The following NMNAT1 variants were observed in gnomAD, a reference collection of about 807,000 sequenced individuals.
NMNAT1 encodes the protein nicotinamide/nicotinic acid mononucleotide adenylyltransferase 1.
NMNAT1 carries 11 observed loss-of-function variants against 16.7 expected under a neutral mutation model. That is an observed-to-expected ratio of 0.66 (90% CI 0.41 to 1.09). The LOEUF is 1.09. Among genes scored for constraint, NMNAT1 ranks in the 50% least tolerant of loss-of-function variants. The pLI is 0.00. For missense variants in NMNAT1, 280 were observed against 332.3 expected (o/e 0.84, Z 1.22); for synonymous variants, 110 against 119.8 (o/e 0.92, Z 0.53).
chr1:9,996,782 C>T, the NMNAT1 span, among the ~76,000 whole-genome samples: 21 of 152,224 alleles, frequency 1.4e-4, no homozygotes, highest in Admixed American at 6.6e-4. Context: ...GAAGCTGCGG[C>T]GTTACCGAGG....
At chr1:9,967,850 CCT>C (rs1641586357) in intron 1 of NMNAT1, among the ~76,000 whole-genome samples, 1 of 151,830 alleles carries the variant, frequency 6.6e-6, no homozygotes, top group African/African-American at 2.4e-5. Context: ...CCAGTGCATG[CCT>C]GTAGTCCCAG....
chr1:9,993,285 C>T, the NMNAT1 span, among the ~76,000 whole-genome samples: 2 of 152,022 alleles, frequency 1.3e-5, no homozygotes, highest in African/African-American at 4.8e-5. Context: ...TCGAGATCAG[C>T]CTGACCGATA....
At chr1:9,987,202 CA>C (rs907003579), downstream of NMNAT1, among the ~76,000 whole-genome samples, 2 of 150,340 alleles carry the variant, frequency 1.3e-5, no homozygotes, top group African/African-American at 2.4e-5. Flanking sequence ...TCCCTCTCAA[CA>C]AACAAAAACA....
In NMNAT1 at chr1:9,983,104, C is replaced by CAA. The variant is rs35872889; in HGVS notation, c.*417_*418dup. 3.2e-4 allele frequency: 41 copies of CAA among 127,684 alleles called. No individual in the cohort carries two copies. The highest frequency in any genetic ancestry group is 7.3e-4 in the South Asian group (3 of 4,120). 7.9% of individuals were successfully genotyped at this position (127,684 alleles called of 1,614,324 possible). On this transcript the variant is annotated 3_prime_UTR_variant, in exon 5 of 5. Coordinates refer to ENST00000377205, the MANE Select transcript of NMNAT1 (RefSeq NM_022787.4). ...CTGGCGACAGAGCAAGACTCTGTCT[C>CAA]AAAAAAAAAAAAAAATTTAGTAAAA...
intron 1 of NMNAT1, among the ~76,000 whole-genome samples, chr1:9,946,396 G>A (rs1640980667): frequency 6.6e-6 from 1 of 152,220 alleles, no homozygotes; most frequent in African/African-American, 2.4e-5. Flanking sequence ...CAGACTGGGA[G>A]TCACTGGGAA....
chr1:9,988,165 C>A (rs926770248), downstream of NMNAT1, among the ~76,000 whole-genome samples: 35 of 151,972 alleles, frequency 2.3e-4, no homozygotes, highest in East Asian at 3.7e-3. Context: ...GCCCAGCTAA[C>A]TTTTGTATTT....
chr1:9,945,946 GT>G (rs1640969929), intron 1 of NMNAT1, among the ~76,000 whole-genome samples: 1 of 152,064 alleles, frequency 6.6e-6, no homozygotes, highest in Non-Finnish European at 1.5e-5. Flanking sequence ...TAGAGATGAG[GT>G]TTTGTCATGT....
At chr1:9,960,898 A>G (rs1227804190) in intron 1 of NMNAT1, 7 of 152,080 alleles carry the variant, frequency 4.6e-5, no homozygotes, top group African/African-American at 1.7e-4. Flanking sequence ...GCCCCCCTAT[A>G]CGCATGCGCA....
intron 2 of NMNAT1, among the ~76,000 whole-genome samples, chr1:9,975,074 C>T (rs1029918286): frequency 1.3e-5 from 2 of 152,034 alleles, no homozygotes; most frequent in African/African-American, 4.8e-5. Context: ...TAGATAGGAG[C>T]GATGGTTGCA....
At chr1:9,959,286 C>A (rs1186561156) in intron 1 of NMNAT1, among the ~76,000 whole-genome samples, 10 of 133,316 alleles carry the variant, frequency 7.5e-5, no homozygotes, top group Non-Finnish European at 9.6e-5. Context: ...GCAGAAGAAT[C>A]GCTTGAACCC....
At chr1:9,973,146 C>G (rs1044534796) in intron 2 of NMNAT1, among the ~76,000 whole-genome samples, 4 of 151,954 alleles carry the variant, frequency 2.6e-5, no homozygotes, top group African/African-American at 9.7e-5. Context: ...AGATGGACTT[C>G]ACTCTTGTTG....
At chr1:9,951,502 T>C (rs899173866) in intron 1 of NMNAT1, among the ~76,000 whole-genome samples, 3 of 151,878 alleles carry the variant, frequency 2.0e-5, no homozygotes, top group African/African-American at 7.3e-5. Context: ...TGAGGCAAGA[T>C]GTTGCTTTGT....
chr1:9,988,292 A>G (rs1390183310), downstream of NMNAT1, among the ~76,000 whole-genome samples: 1 of 152,066 alleles, frequency 6.6e-6, no homozygotes, highest in Non-Finnish European at 1.5e-5. Flanking sequence ...ATCACACCCA[A>G]CCAAAGTAGT....
chr1:9,954,788 T>C (rs369746728), intron 1 of NMNAT1, among the ~76,000 whole-genome samples: 4 of 150,580 alleles, frequency 2.7e-5, no homozygotes, highest in Non-Finnish European at 5.9e-5. Flanking sequence ...AACATTAGGT[T>C]CGTGTGGTGG....
chr1:9,959,369 C>G, intron 1 of NMNAT1, among the ~76,000 whole-genome samples: 1 of 55,500 alleles, frequency 1.8e-5, no homozygotes, highest in East Asian at 6.0e-4. Flanking sequence ...GAAACTCCAT[C>G]TTGGAAAAAA....
chr1:9,989,197 C>A (rs1325751434), downstream of NMNAT1, among the ~76,000 whole-genome samples: 1 of 152,110 alleles, frequency 6.6e-6, no homozygotes, highest in Non-Finnish European at 1.5e-5. Flanking sequence ...GGCACAGTAG[C>A]CTGTAACCCT....
At chr1:9,989,959 C>T (rs922136475), downstream of NMNAT1, among the ~76,000 whole-genome samples, 1 of 152,172 alleles carries the variant, frequency 6.6e-6, no homozygotes, top group Non-Finnish European at 1.5e-5. Flanking sequence ...TGCCCCAGCT[C>T]CTGCACCCGC....
At position 9,982,729 on chromosome 1, in the gene NMNAT1, T is replaced by C; in HGVS notation, c.*28T>C. 10 of 1,553,488 alleles carry C rather than the reference T, an allele frequency of 6.4e-6. No homozygotes were observed. Among genetic ancestry groups the C allele is most frequent in the Non-Finnish European group, 8.7e-6 (10 of 1,149,716 alleles). ...ATTCTACAGCATGATATTTCAGACT[T>C]CCCATTTGGGGATCTGAAACAATCT... On this transcript the variant is annotated 3_prime_UTR_variant, in exon 5 of 5. Coordinates refer to ENST00000377205, the MANE Select transcript of NMNAT1 (RefSeq NM_022787.4).
Position 9,984,989 on chromosome 1 carries a change from G to A in NMNAT1, c.*2288G>A, listed in dbSNP as rs1642026163. The A allele has an allele frequency of 6.6e-6, 1 of 152,070 alleles. No homozygotes were observed. The allele number at this position is 152,070 out of a possible 1,614,324, so 9.4% of individuals were successfully genotyped here. A position where few individuals can be genotyped will look rare whatever the true frequency, so the allele number is the denominator to read the frequency against. On this transcript the variant is annotated 3_prime_UTR_variant, in exon 5 of 5. Transcript: ENST00000377205. Reference sequence around the variant, plus strand: ...TAGGTCAGCATGCAGGGTGGTGGGAGGGCTTTCATCTTCCTTACCCAAGCC... The same window carrying A: ...TAGGTCAGCATGCAGGGTGGTGGGAAGGCTTTCATCTTCCTTACCCAAGCC...
Sources: gnomAD v4.1 joint callset for allele counts (sites outside exome capture counted in the v4.1 genomes callset) on GRCh38, gnomAD v4.1.1 for gene constraint, MANE v1.5 for transcripts, NCBI Gene and HGNC (gene_info 2026-07-23, HGNC 2026-07-21) for gene names.